The following R3HCC1L variants were observed in gnomAD, a reference collection of about 807,000 sequenced individuals.
R3HCC1L encodes the protein coiled-coil domain-containing protein R3HCC1L.
In R3HCC1L, 51 loss-of-function variants were observed where a neutral mutation model predicts 59.9. The observed-to-expected ratio is 0.85, with a 90% CI of 0.68 to 1.07. R3HCC1L has a LOEUF of 1.07. Ranked by LOEUF, R3HCC1L falls within the 50% of genes least tolerant of loss-of-function variation. The pLI, the probability that R3HCC1L is intolerant of heterozygous loss-of-function variation, is 0.00. For synonymous variants in R3HCC1L, 322 were observed against 315.2 expected, an observed-to-expected ratio of 1.02 and a Z score of -0.23; for missense variants, 965 against 933.0, an observed-to-expected ratio of 1.03 and a Z score of -0.45.
At chr10:98,189,090 A>G (rs1033143723) in intron 4 of R3HCC1L, among the ~76,000 whole-genome samples, 1 of 152,202 alleles carries the variant, frequency 6.6e-6, no homozygotes, top group African/African-American at 2.4e-5. Context: ...AGCACCTCAG[A>G]TCCTTACTTA....
chr10:98,214,048 C>T (rs1160206123), intron 5 of R3HCC1L, among the ~76,000 whole-genome samples: 1 of 152,138 alleles, frequency 6.6e-6, no homozygotes. Flanking sequence ...GATTCCATCA[C>T]TCATAGTTTT....
intron 4 of R3HCC1L, among the ~76,000 whole-genome samples, chr10:98,182,091 C>T (rs553880505): frequency 3.9e-5 from 6 of 152,140 alleles, no homozygotes; most frequent in Non-Finnish European, 7.4e-5. Flanking sequence ...GGAGAAGCAG[C>T]GCTCTGGTTT....
chr10:98,208,196 G>T lies in R3HCC1L; in HGVS notation c.82G>T (p.Ala28Ser), dbSNP rs1217829014. 2.5e-6 allele frequency: 4 copies of T among 1,614,082 alleles called. No individual in the cohort carries two copies. The East Asian group carries it at 8.9e-5, about 36-fold the overall frequency. Reference sequence around the variant, plus strand: ...TTATGTACCTAAAGCTCGTAGGGGTGCAGTACTCCTTAAGACAGGTGATGA... The same window carrying T: ...TTATGTACCTAAAGCTCGTAGGGGTTCAGTACTCCTTAAGACAGGTGATGA... Reference protein sequence around the residue: ...ALYVPKARRGAVLLKTGDEEE... With the variant: ...ALYVPKARRGSVLLKTGDEEE... Residue 28 changes from alanine to serine, a missense_variant, in exon 5 of 10, where the codon GCA becomes TCA. Transcript: ENST00000298999.
At position 98,209,371 on chromosome 10, in the gene R3HCC1L, T is replaced by C; in HGVS notation, c.1257T>C (p.Ser419=). 6.2e-7 allele frequency: 1 copy of C among 1,613,952 alleles called. No homozygotes were observed. Among genetic ancestry groups the C allele is most frequent in the Non-Finnish European group, 8.5e-7 (1 of 1,179,988 alleles). Residue 419 remains serine, a synonymous_variant, in exon 5 of 10, where the codon AGT becomes AGC. Coordinates refer to ENST00000298999, the MANE Select transcript of R3HCC1L (RefSeq NM_001351015.2). ...GTTTCTCAAAGTTTGTAGGAATGAG[T>C]GCAGATGCAACCCCTCTTCATGTAG... The part of the protein sequence containing the change: ...TRSFSKFVGM[S]ADATPLHVAR...
chr10:98,190,462 T>A (rs1185324131), intron 4 of R3HCC1L, among the ~76,000 whole-genome samples: 1 of 152,260 alleles, frequency 6.6e-6, no homozygotes, highest in African/African-American at 2.4e-5. Flanking sequence ...TTTCTATGCC[T>A]GTTGTATACT....
intron 1 of R3HCC1L, among the ~76,000 whole-genome samples, chr10:98,151,294 G>A (rs368834523): frequency 1.1e-4 from 17 of 152,100 alleles, no homozygotes; most frequent in African/African-American, 2.9e-4. Flanking sequence ...GGAGACCTAG[G>A]TTTGAATGAT....
chr10:98,202,740 T>C (rs996793861), intron 4 of R3HCC1L, among the ~76,000 whole-genome samples: 3 of 151,856 alleles, frequency 2.0e-5, no homozygotes, highest in Non-Finnish European at 2.9e-5. Flanking sequence ...TAGTCCCAGC[T>C]ACTCACTTGG....
rs150451987 is a variant in R3HCC1L at position 98,182,543 on chromosome 10, G to A, written c.-15+19146G>A. ...TGTCCTTTCTCAGAGCTCAAACACC[G>A]TGCTCGGAGAACCACTGCTGTCTTC... On this transcript the variant is annotated intron_variant, in intron 4 of 9. Transcript: ENST00000298999. Among the ~76,000 whole-genome samples, 204 of 152,224 alleles carry A rather than the reference G, an allele frequency of 1.3e-3. 2 individuals are homozygous for A. The East Asian group carries it at 0.021, about 16-fold the overall frequency.
chr10:98,147,733 A>G (rs75176173), intron 1 of R3HCC1L, among the ~76,000 whole-genome samples: 3,541 of 152,122 alleles, frequency 0.023, 116 homozygotes, highest in African/African-American at 0.076. Context: ...GTATGGATTT[A>G]TATTTGGATT....
chr10:98,163,694 A>G (rs922980036), intron 4 of R3HCC1L, among the ~76,000 whole-genome samples: 1 of 152,176 alleles, frequency 6.6e-6, no homozygotes, highest in Non-Finnish European at 1.5e-5. Context: ...TTCCACTGTA[A>G]CAGCTGAGAG....
intron 4 of R3HCC1L, among the ~76,000 whole-genome samples, chr10:98,194,946 G>A (rs982420529): frequency 1.3e-5 from 2 of 152,082 alleles, no homozygotes; most frequent in African/African-American, 4.8e-5. Context: ...TATCATATAA[G>A]CCAGCAGTCC....
intron 4 of R3HCC1L, among the ~76,000 whole-genome samples, chr10:98,163,636 T>C (rs1170018309): frequency 6.6e-6 from 1 of 152,212 alleles, no homozygotes; most frequent in Admixed American, 6.5e-5. Flanking sequence ...GCTGTTTAAA[T>C]ATTGGGATTC....
chr10:98,213,812 A>T (rs538806138), intron 5 of R3HCC1L, among the ~76,000 whole-genome samples: 2 of 152,104 alleles, frequency 1.3e-5, no homozygotes, highest in Non-Finnish European at 2.9e-5. Flanking sequence ...GCTCATTTTA[A>T]CAGATTTCTA....
At chr10:98,167,916 CTG>C (rs1408874895) in intron 4 of R3HCC1L, among the ~76,000 whole-genome samples, 1 of 152,174 alleles carries the variant, frequency 6.6e-6, no homozygotes, top group Non-Finnish European at 1.5e-5. Context: ...TAGCTTTACT[CTG>C]TGAATCTTAA....
At chr10:98,230,678 A>G (rs1413285465) in intron 5 of R3HCC1L, among the ~76,000 whole-genome samples, 1 of 152,064 alleles carries the variant, frequency 6.6e-6, no homozygotes, top group African/African-American at 2.4e-5. Flanking sequence ...TAGGGTGTCA[A>G]TTTTAGATCT....
At position 98,192,732 on chromosome 10, in the gene R3HCC1L, A is replaced by G. The variant is rs370813478; in HGVS notation, c.-14-15369A>G. Among the ~76,000 whole-genome samples the G allele has an allele frequency of 5.9e-5, 9 of 152,308 alleles. No individual in the cohort carries two copies. The South Asian group carries it at 8.3e-4, about 14-fold the overall frequency. On this transcript the variant is annotated intron_variant, in intron 4 of 9. Transcript: ENST00000298999. ...AACATTTAAAGGAGAATTGATACCA[A>G]TTCTTCTTAAACTCTTCCAAAAAAT...
chr10:98,167,102 A>G (rs10786400), intron 4 of R3HCC1L, among the ~76,000 whole-genome samples: 39,536 of 151,704 alleles, frequency 0.26, 6,096 homozygotes, highest in South Asian at 0.42. Flanking sequence ...TTCTCTTTGT[A>G]TCATAAGAAT....
In R3HCC1L at chr10:98,153,803, C is replaced by CA. The variant is rs10708491; in HGVS notation, c.-267-2274dup. 5.6e-3 allele frequency among the ~76,000 whole-genome samples: 751 copies of CA among 135,142 alleles called. 4 individuals carry two copies. Among genetic ancestry groups the CA allele is most frequent in the East Asian group, 0.013 (63 of 4,688 alleles). 88.7% of individuals were successfully genotyped at this position (135,142 alleles called of 152,430 possible). On this transcript the variant is annotated intron_variant, in intron 1 of 9. Transcript: ENST00000298999. ...ACTTAAAGAATAAACTGTTTTACAT[C>CA]AAAAAAAAAAAAAAAAGAAATTCCA... is the stretch of plus-strand genomic sequence containing the variant.
At chr10:98,161,560 C>T (rs1847420491) in intron 2 of R3HCC1L, among the ~76,000 whole-genome samples, 1 of 152,028 alleles carries the variant, frequency 6.6e-6, no homozygotes, top group African/African-American at 2.4e-5. Flanking sequence ...AGAGGCTTTC[C>T]TTGGACCCAT....
Sources: gnomAD v4.1 joint callset for allele counts (sites outside exome capture counted in the v4.1 genomes callset) on GRCh38, gnomAD v4.1.1 for gene constraint, MANE v1.5 for transcripts, NCBI Gene and HGNC (gene_info 2026-07-23, HGNC 2026-07-21) for gene names.